The following TRPM6 variants were observed in gnomAD, a reference collection of about 807,000 sequenced individuals.
TRPM6 encodes the protein transient receptor potential cation channel subfamily M member 6, also known as channel kinase 2.
In TRPM6, 111 loss-of-function variants were observed where a neutral mutation model predicts 247.6. The ratio of observed to expected loss-of-function variants is 0.45; its 90% CI spans 0.38 to 0.52. The LOEUF is 0.52. Among genes scored for constraint, TRPM6 ranks in the 20% least tolerant of loss-of-function variants. The pLI is 0.00. For missense variants in TRPM6, 2,126 were observed against 2,421.5 expected (o/e 0.88, Z 2.56); for synonymous variants, 892 against 853.8 (o/e 1.04, Z -0.78).
intron 21 of TRPM6, 112 bp downstream of exon 21, chr9:74,785,762 A>T (rs1252646597): frequency 8.5e-7 from 1 of 1,176,310 alleles, no homozygotes; most frequent in Non-Finnish European, 1.3e-6. Context: ...TGACCTTGTG[A>T]TCCGCCCGCC....
At chr9:74,756,455 G>A (rs1167892405) in intron 27 of TRPM6, among the ~76,000 whole-genome samples, 1 of 151,984 alleles carries the variant, frequency 6.6e-6, no homozygotes, top group African/African-American at 2.4e-5. Context: ...AATATAAAAA[G>A]ACTCACTGAA....
At chr9:74,853,770 A>G (rs894740382) in intron 3 of TRPM6, among the ~76,000 whole-genome samples, 2 of 152,156 alleles carry the variant, frequency 1.3e-5, no homozygotes, top group Admixed American at 6.6e-5. Context: ...CCTTGTTCAC[A>G]TGTTTATCTG....
chr9:74,746,069 C>T (rs938099967), intron 31 of TRPM6, among the ~76,000 whole-genome samples: 1 of 152,014 alleles, frequency 6.6e-6, no homozygotes, highest in African/African-American at 2.4e-5. Context: ...GGTGAAACCC[C>T]ATCTCCACTA....
chr9:74,810,241 G>T (rs1206086126), intron 13 of TRPM6, among the ~76,000 whole-genome samples: 2 of 152,164 alleles, frequency 1.3e-5, no homozygotes, highest in African/African-American at 4.8e-5. Flanking sequence ...GTTAAAGTTG[G>T]AAGGCTTTGG....
intron 7 of TRPM6, 24 bp downstream of exon 7, chr9:74,827,754 T>A: frequency 6.2e-7 from 1 of 1,613,530 alleles, no homozygotes; most frequent in Non-Finnish European, 8.5e-7. Flanking sequence ...CCAGACTGGG[T>A]GACTGAGCCC....
chr9:74,828,580 G>A (rs1439797139), intron 6 of TRPM6, among the ~76,000 whole-genome samples: 2 of 151,642 alleles, frequency 1.3e-5, no homozygotes, highest in Non-Finnish European at 2.9e-5. Flanking sequence ...GAATGACACA[G>A]CATGGTCACA....
chr9:74,881,020 C>T (rs572130357), intron 1 of TRPM6, among the ~76,000 whole-genome samples: 12 of 152,178 alleles, frequency 7.9e-5, no homozygotes, highest in African/African-American at 1.7e-4. Context: ...CCTGGCTGGG[C>T]GTGGTAGCTT....
intron 6 of TRPM6, among the ~76,000 whole-genome samples, chr9:74,830,354 A>G (rs1829500310): frequency 6.6e-6 from 1 of 151,676 alleles, no homozygotes; most frequent in Non-Finnish European, 1.5e-5. Context: ...ATTGAAAATA[A>G]TATGAATTGT....
intron 25 of TRPM6, among the ~76,000 whole-genome samples, chr9:74,768,304 C>T (rs1460032329): frequency 6.6e-6 from 1 of 152,216 alleles, no homozygotes; most frequent in Non-Finnish European, 1.5e-5. Context: ...TTCCCTCACT[C>T]TTGCTTCCTG....
chr9:74,727,909 A>C (rs1825385649), intron 38 of TRPM6, among the ~76,000 whole-genome samples: 1 of 152,040 alleles, frequency 6.6e-6, no homozygotes, highest in African/African-American at 2.4e-5. Flanking sequence ...CGCAGCTGGC[A>C]GGACCCAAAT....
intron 31 of TRPM6, among the ~76,000 whole-genome samples, chr9:74,747,136 G>A (rs1826075474): frequency 6.6e-6 from 1 of 152,176 alleles, no homozygotes; most frequent in East Asian, 1.9e-4. Context: ...GAAAAGTGAT[G>A]GGGCACACCC....
intron 3 of TRPM6, among the ~76,000 whole-genome samples, chr9:74,850,336 C>T (rs1020670444): frequency 2.6e-5 from 4 of 151,986 alleles, no homozygotes; most frequent in Non-Finnish European, 5.9e-5. Context: ...TGGGCCATTG[C>T]GCTCCAGCCT....
intron 25 of TRPM6, among the ~76,000 whole-genome samples, chr9:74,771,301 CTTTA>C (rs1318625268): frequency 6.6e-6 from 1 of 152,232 alleles, no homozygotes; most frequent in Non-Finnish European, 1.5e-5. Context: ...TCTCCAGCTA[CTTTA>C]TTTTTCTTCA....
At chr9:74,870,895 G>A (rs557994462) in intron 1 of TRPM6, among the ~76,000 whole-genome samples, 3 of 151,624 alleles carry the variant, frequency 2.0e-5, no homozygotes, top group South Asian at 4.2e-4. Flanking sequence ...ATAGTGCCAC[G>A]GCACTCCAGC....
intron 3 of TRPM6, among the ~76,000 whole-genome samples, chr9:74,845,094 C>T (rs369626416): frequency 1.5e-4 from 23 of 151,872 alleles, no homozygotes; most frequent in African/African-American, 4.8e-4. Context: ...CAAAGATCGC[C>T]GATTAAAGAT....
At chr9:74,789,636 C>G (rs1827824701) in intron 19 of TRPM6, among the ~76,000 whole-genome samples, 1 of 152,130 alleles carries the variant, frequency 6.6e-6, no homozygotes, top group Non-Finnish European at 1.5e-5. Flanking sequence ...AGACAACACC[C>G]AGTGCTCACT....
chr9:74,863,752 T>A (rs527428424), intron 1 of TRPM6, among the ~76,000 whole-genome samples: 4 of 151,822 alleles, frequency 2.6e-5, no homozygotes, highest in African/African-American at 9.6e-5. Context: ...CCCGGCTAAT[T>A]TTTTTTTGTA....
At chr9:74,823,345 C>T (rs149832572) in intron 7 of TRPM6, among the ~76,000 whole-genome samples, 17 of 152,188 alleles carry the variant, frequency 1.1e-4, no homozygotes, top group African/African-American at 4.1e-4. Flanking sequence ...AAACTCAAGT[C>T]TGGCCTTCCA....
chr9:74,850,154 T>C (rs979517518), intron 3 of TRPM6, among the ~76,000 whole-genome samples: 8 of 149,656 alleles, frequency 5.3e-5, no homozygotes, highest in African/African-American at 2.0e-4. Flanking sequence ...GGCGGATCAC[T>C]TGAGGTCAGG....
Sources: allele counts gnomAD v4.1 joint callset (sites outside exome capture counted in the v4.1 genomes callset), GRCh38; gene constraint gnomAD v4.1.1; transcripts MANE v1.5; gene names NCBI Gene and HGNC (gene_info 2026-07-23, HGNC 2026-07-21).